The following AP4S1 variants were observed in gnomAD, a reference collection of about 807,000 sequenced individuals.
The protein encoded by AP4S1 is AP-4 complex subunit sigma-1.
Under a neutral mutation model 19.8 loss-of-function variants are expected in AP4S1, and 23 were observed. That is an observed-to-expected ratio of 1.16 (90% confidence interval 0.84 to 1.65). The LOEUF (loss-of-function observed/expected upper bound fraction) is 1.65, where lower values mean the gene tolerates loss of function less well. Ranked by LOEUF, AP4S1 falls within the 40% of genes most tolerant of loss-of-function variation. The pLI is 0.00. For synonymous variants in AP4S1, 46 were observed against 54.1 expected (o/e 0.85, Z 0.66); for missense variants, 166 against 172.8 (o/e 0.96, Z 0.22).
intron 1 of AP4S1, among the ~76,000 whole-genome samples, chr14:31,055,926 C>G (rs1886087859): frequency 1.3e-5 from 2 of 151,072 alleles, no homozygotes; most frequent in Admixed American, 6.6e-5. Context: ...TCACTGCAAC[C>G]TCAGCCTCCT....
intron 1 of AP4S1, among the ~76,000 whole-genome samples, chr14:31,032,710 A>AT: frequency 6.6e-6 from 1 of 151,762 alleles, no homozygotes; most frequent in African/African-American, 2.4e-5. Context: ...TAATTTTTCT[A>AT]TTTTTAGTAG....
intron 1 of AP4S1, among the ~76,000 whole-genome samples, chr14:31,045,086 G>T (rs1885318216): frequency 6.6e-6 from 1 of 151,952 alleles, no homozygotes; most frequent in Non-Finnish European, 1.5e-5. Context: ...ATTTTTAGTA[G>T]AGACGGGGTT....
At chr14:31,085,096 C>T in intron 5 of AP4S1, 1 of 1,381,302 alleles carries the variant, frequency 7.2e-7, no homozygotes, top group Non-Finnish European at 9.4e-7. Flanking sequence ...CCAGGGGCTC[C>T]TCGGGCCCTG....
intron 4 of AP4S1, chr14:31,073,182 CTGG>C: frequency 3.9e-6 from 2 of 508,182 alleles, no homozygotes; most frequent in African/African-American, 2.1e-5. Flanking sequence ...TTATAAAGAA[CTGG>C]AAAAAAAAAA....
intron 1 of AP4S1, among the ~76,000 whole-genome samples, chr14:31,041,745 T>C (rs1395841050): frequency 6.6e-6 from 1 of 152,264 alleles, no homozygotes; most frequent in Non-Finnish European, 1.5e-5. Context: ...TTTAGAACAA[T>C]TGAGAATAAG....
intron 5 of AP4S1, among the ~76,000 whole-genome samples, chr14:31,087,780 A>C (rs1351408542): frequency 2.0e-5 from 3 of 152,144 alleles, no homozygotes; most frequent in Non-Finnish European, 2.9e-5. Context: ...ATAAGGGGAG[A>C]TGTTTTAGAG....
chr14:31,080,910 G>C (rs1887604426), intron 5 of AP4S1, among the ~76,000 whole-genome samples: 1 of 152,050 alleles, frequency 6.6e-6, no homozygotes, highest in Non-Finnish European at 1.5e-5. Flanking sequence ...GTATTCTCCT[G>C]CCTCAGCCTC....
At chr14:31,085,244 A>G (rs1272606759) in intron 5 of AP4S1, 2 of 1,045,206 alleles carry the variant, frequency 1.9e-6, no homozygotes, top group Admixed American at 1.0e-4. Flanking sequence ...AGGTCCCTAG[A>G]TATCCCAGAA....
intron 1 of AP4S1, among the ~76,000 whole-genome samples, chr14:31,041,035 C>T (rs1250913565): frequency 1.4e-5 from 2 of 146,082 alleles, no homozygotes; most frequent in Admixed American, 6.9e-5. Flanking sequence ...GAGATCGCAC[C>T]ACTGAGCTCC....
chr14:31,050,062 C>G (rs1885696117), intron 1 of AP4S1, among the ~76,000 whole-genome samples: 2 of 152,186 alleles, frequency 1.3e-5, no homozygotes, highest in Admixed American at 6.5e-5. Flanking sequence ...GCTGGGATTA[C>G]AGGCATGCGC....
intron 3 of AP4S1, among the ~76,000 whole-genome samples, chr14:31,070,289 A>G (rs1010107582): frequency 6.6e-6 from 1 of 152,192 alleles, no homozygotes; most frequent in Non-Finnish European, 1.5e-5. Flanking sequence ...GAGACAGGCT[A>G]GAGTGCAATG....
intron 5 of AP4S1, among the ~76,000 whole-genome samples, chr14:31,082,278 C>T (rs1442692360): frequency 6.6e-6 from 1 of 152,030 alleles, no homozygotes; most frequent in Non-Finnish European, 1.5e-5. Flanking sequence ...AAAAATATAC[C>T]GTGATATACA....
intron 5 of AP4S1, chr14:31,083,494 C>CTTTTT (rs1566545603): frequency 5.8e-5 from 16 of 276,062 alleles, no homozygotes; most frequent in Non-Finnish European, 7.9e-5. Flanking sequence ...TCTGTTGACA[C>CTTTTT]TCTTTTTTTT....
chr14:31,079,452 T>G (rs1032535598), intron 4 of AP4S1, among the ~76,000 whole-genome samples: 8 of 151,906 alleles, frequency 5.3e-5, no homozygotes, highest in African/African-American at 1.9e-4. Context: ...GGCTGCACAT[T>G]CGGAGGCTGC....
At chr14:31,046,770 C>T (rs1885429731) in intron 1 of AP4S1, among the ~76,000 whole-genome samples, 1 of 149,022 alleles carries the variant, frequency 6.7e-6, no homozygotes, top group Non-Finnish European at 1.5e-5. Context: ...GGTGTGAACC[C>T]AGGAGGTGGA....
At chr14:31,034,208 A>C (rs752567815) in intron 1 of AP4S1, among the ~76,000 whole-genome samples, 1 of 152,214 alleles carries the variant, frequency 6.6e-6, no homozygotes, top group East Asian at 1.9e-4. Context: ...CCTTTGGAGA[A>C]TATGTTAAAT....
chr14:31,059,735 G>A (rs1207193438), intron 1 of AP4S1, among the ~76,000 whole-genome samples: 1 of 151,952 alleles, frequency 6.6e-6, no homozygotes, highest in Non-Finnish European at 1.5e-5. Context: ...GGAAAAGGGA[G>A]TGAATGGCCA....
intron 4 of AP4S1, among the ~76,000 whole-genome samples, chr14:31,073,370 G>A (rs1438679591): frequency 3.1e-4 from 41 of 132,780 alleles, no homozygotes; most frequent in Middle Eastern, 3.7e-3. Flanking sequence ...GGCGCCTGTA[G>A]TCCCAGCTAC....
rs1247744800 is a variant in AP4S1, at chr14:31,066,103, TTTTG to T, written c.-71-15_-71-12del. 45 of 1,214,766 alleles carry T rather than the reference TTTTG, an allele frequency of 3.7e-5. No homozygotes were observed. The highest frequency in any genetic ancestry group is 4.9e-5 in the Non-Finnish European group (41 of 838,040). 75.2% of individuals were successfully genotyped at this position (1,214,766 alleles called of 1,614,324 possible). ...GAGAAATTTGATCTTGCCTTTCTGGTTTTGTTTGTTTTTGTCTTCAAGGTTCCAG... is the reference window on the plus strand; with the variant it reads ...GAGAAATTTGATCTTGCCTTTCTGGTTTTGTTTTTGTCTTCAAGGTTCCAG... On this transcript the variant is annotated intron_variant, in intron 1 of 5. Transcript: ENST00000542754.
Sources: gnomAD v4.1 joint callset for allele counts (sites outside exome capture counted in the v4.1 genomes callset) on GRCh38, gnomAD v4.1.1 for gene constraint, MANE v1.5 for transcripts, NCBI Gene and HGNC (gene_info 2026-07-23, HGNC 2026-07-21) for gene names.